LYRM4: variants seen among roughly 807,000 people sequenced by gnomAD.
LYRM4 encodes LYR motif containing 4.
Under a neutral mutation model 11.7 loss-of-function variants are expected in LYRM4, and 9 were observed. The ratio of observed to expected loss-of-function variants is 0.77; its 90% CI spans 0.46 to 1.34. The LOEUF is 1.34. Ranked by LOEUF, LYRM4 falls within the 40% of genes most tolerant of loss-of-function variation. The pLI, the probability that LYRM4 is intolerant of heterozygous loss-of-function variation, is 0.00. For synonymous variants in LYRM4, 42 were observed against 40.4 expected (o/e 1.04, Z -0.15); for missense variants, 133 against 112.5 (o/e 1.18, Z -0.82).
chr6:5,035,883 T>G, the LYRM4 span, among the ~76,000 whole-genome samples: 1 of 145,624 alleles, frequency 6.9e-6, no homozygotes, highest in Non-Finnish European at 1.5e-5. Context: ...ATATTTCTTA[T>G]GTTGCACTTT....
At chr6:5,067,152 A>T in the LYRM4 span, among the ~76,000 whole-genome samples, 2 of 152,220 alleles carry the variant, frequency 1.3e-5, no homozygotes, top group African/African-American at 4.8e-5. Flanking sequence ...CACCTCTTCC[A>T]AGTTCACCAC....
At chr6:5,220,825 CCT>C (rs1762537329) in intron 1 of LYRM4, among the ~76,000 whole-genome samples, 2 of 152,134 alleles carry the variant, frequency 1.3e-5, no homozygotes, top group South Asian at 4.1e-4. Context: ...AATACACAGA[CCT>C]CCAGTTTTAG....
intron 2 of LYRM4, among the ~76,000 whole-genome samples, chr6:5,162,165 G>A (rs923498287): frequency 3.9e-5 from 6 of 152,176 alleles, no homozygotes; most frequent in African/African-American, 1.4e-4. Flanking sequence ...AACCCTGCCT[G>A]CACTGCAGAA....
intron 2 of LYRM4, among the ~76,000 whole-genome samples, chr6:5,149,722 T>G (rs184292397): frequency 6.6e-6 from 1 of 152,142 alleles, no homozygotes; most frequent in South Asian, 2.1e-4. Flanking sequence ...TATGAGGTAA[T>G]AGAAAATCTG....
At chr6:5,182,285 T>C (rs1000843967) in intron 2 of LYRM4, among the ~76,000 whole-genome samples, 6 of 152,224 alleles carry the variant, frequency 3.9e-5, no homozygotes, top group African/African-American at 1.4e-4. Flanking sequence ...TATTTTGAAA[T>C]AGGTGGAATT....
At chr6:5,075,848 CA>C in the LYRM4 span, among the ~76,000 whole-genome samples, 1 of 151,960 alleles carries the variant, frequency 6.6e-6, no homozygotes. Flanking sequence ...AGAATTCAAA[CA>C]GTATAAAAGG....
chr6:5,179,516 C>T (rs2773336), intron 2 of LYRM4, among the ~76,000 whole-genome samples: 45,737 of 152,048 alleles, frequency 0.3, 7,188 homozygotes, highest in African/African-American at 0.4. Flanking sequence ...ATTGGAATAG[C>T]ACAGTATTTG....
chr6:5,146,271 T>C (rs971990360), intron 2 of LYRM4, among the ~76,000 whole-genome samples: 2 of 152,184 alleles, frequency 1.3e-5, no homozygotes, highest in East Asian at 1.9e-4. Flanking sequence ...GGGTCCCTTA[T>C]TGATGCCCTG....
chr6:5,048,290 GGTGT>G, the LYRM4 span, among the ~76,000 whole-genome samples: 1,644 of 140,038 alleles, frequency 0.012, 11 homozygotes, highest in Middle Eastern at 0.023. Context: ...GACACTTTGT[GGTGT>G]GTGTGTGTGT....
intron 2 of LYRM4, among the ~76,000 whole-genome samples, chr6:5,177,568 T>G (rs2127673520): frequency 6.6e-6 from 1 of 152,354 alleles, no homozygotes; most frequent in South Asian, 2.1e-4. Context: ...TAGGACATGC[T>G]GTTTCTGTCC....
the LYRM4 span, among the ~76,000 whole-genome samples, chr6:5,074,021 CA>C: frequency 6.6e-6 from 1 of 152,176 alleles, no homozygotes; most frequent in South Asian, 2.1e-4. Context: ...CTCAGCTAGA[CA>C]CACGTGGCTG....
chr6:5,191,465 G>A (rs980376287), intron 2 of LYRM4, among the ~76,000 whole-genome samples: 1 of 152,154 alleles, frequency 6.6e-6, no homozygotes, highest in African/African-American at 2.4e-5. Context: ...GCCTGAAAAT[G>A]TGTTGTGAGA....
intron 2 of LYRM4, among the ~76,000 whole-genome samples, chr6:5,188,581 C>T (rs1760560622): frequency 6.6e-6 from 1 of 152,164 alleles, no homozygotes; most frequent in Admixed American, 6.5e-5. Flanking sequence ...GGATCTTAGT[C>T]TGAGTGATCT....
At chr6:5,240,652 T>C (rs764215174) in intron 1 of LYRM4, 1 of 152,186 alleles carries the variant, frequency 6.6e-6, no homozygotes, top group African/African-American at 2.4e-5. Context: ...CAACTGAGGA[T>C]TGTAAACCCG....
At chr6:5,190,204 A>C (rs1471821388) in intron 2 of LYRM4, among the ~76,000 whole-genome samples, 3 of 151,846 alleles carry the variant, frequency 2.0e-5, no homozygotes, top group Non-Finnish European at 4.4e-5. Flanking sequence ...TCCTTAATAG[A>C]CTCAAAGCAT....
intron 1 of LYRM4, among the ~76,000 whole-genome samples, chr6:5,224,793 C>G (rs1444994012): frequency 6.6e-6 from 1 of 151,484 alleles, no homozygotes; most frequent in Non-Finnish European, 1.5e-5. Flanking sequence ...AACCCCATCT[C>G]TACTAAAAAT....
At chr6:5,159,894 T>G (rs1758649348) in intron 2 of LYRM4, among the ~76,000 whole-genome samples, 1 of 152,212 alleles carries the variant, frequency 6.6e-6, no homozygotes, top group African/African-American at 2.4e-5. Flanking sequence ...TCTCACATCC[T>G]CATCTTCCCT....
At chr6:5,041,848 G>A in the LYRM4 span, among the ~76,000 whole-genome samples, 11 of 152,134 alleles carry the variant, frequency 7.2e-5, no homozygotes, top group Non-Finnish European at 1.3e-4. Flanking sequence ...TATTTTATTT[G>A]GATGGTTTCT....
At chr6:5,095,428 A>G in the LYRM4 span, among the ~76,000 whole-genome samples, 4 of 152,220 alleles carry the variant, frequency 2.6e-5, no homozygotes, top group African/African-American at 9.6e-5. Context: ...GCCAAGTGAC[A>G]TACAGAAAAT....
Sources: gnomAD v4.1 joint callset for allele counts (sites outside exome capture counted in the v4.1 genomes callset) on GRCh38, gnomAD v4.1.1 for gene constraint, MANE v1.5 for transcripts, NCBI Gene and HGNC (gene_info 2026-07-23, HGNC 2026-07-21) for gene names.